PCDHA6: variants seen among roughly 807,000 people sequenced by gnomAD.
The protein encoded by PCDHA6 is protocadherin alpha 6.
In PCDHA6, 55 loss-of-function variants were observed where a neutral mutation model predicts 60.3. That is an observed-to-expected ratio of 0.91 (90% confidence interval 0.73 to 1.14). PCDHA6 has a LOEUF of 1.14. Among genes scored for constraint, PCDHA6 ranks in the 50% most tolerant of loss-of-function variants. The pLI, the probability that PCDHA6 is intolerant of heterozygous loss-of-function variation, is 0.00. For missense variants in PCDHA6, 1,327 were observed against 1,256.5 expected (o/e 1.06, Z -0.85); for synonymous variants, 652 against 557.9 (o/e 1.17, Z -2.38).
Position 140,869,569 on chromosome 5 carries a change from G to A in PCDHA6, c.2394+39084G>A, listed in dbSNP as rs200465902. ...ATCGGACTCGCGTTTTCCACTAGAG[G>A]GAGCTTCTGATGCTGACATTGAAGA... On this transcript the variant is annotated intron_variant, in intron 1 of 3. Coordinates refer to ENST00000529310, the MANE Select transcript of PCDHA6 (RefSeq NM_018909.4). 4.4e-4 allele frequency: 718 copies of A among 1,614,118 alleles called. 4 individuals carry two copies. The African/African-American group carries it at 8.4e-3, about 19-fold the overall frequency.
At chr5:140,984,942 A>C (rs1263555467) in intron 3 of PCDHA6, among the ~76,000 whole-genome samples, 1 of 151,954 alleles carries the variant, frequency 6.6e-6, no homozygotes, top group Admixed American at 6.6e-5. Context: ...ATAAATGTCT[A>C]ATCTTTTTTT....
chr5:140,828,505 A>T lies in PCDHA6; in HGVS notation c.414A>T (p.Gln138His), dbSNP rs2150156185. ...DNPPLFPVEEQRVLIYESRLP... is the reference protein window; with the variant it reads ...DNPPLFPVEEHRVLIYESRLP... ...CGCCCTTGTTCCCGGTAGAGGAACAAAGAGTGCTGATTTACGAATCTAGGC... is the reference window on the plus strand; with the variant it reads ...CGCCCTTGTTCCCGGTAGAGGAACATAGAGTGCTGATTTACGAATCTAGGC... The change falls in exon 1 of 4, where the codon CAA (glutamine) becomes CAT (histidine). Residue 138 changes from glutamine to histidine, a missense_variant. Coordinates refer to ENST00000529310, the MANE Select transcript of PCDHA6 (RefSeq NM_018909.4). 1 of 1,614,210 alleles carries T rather than the reference A, an allele frequency of 6.2e-7. No individual in the cohort carries two copies. The highest frequency in any genetic ancestry group is 1.1e-5 in the South Asian group (1 of 91,082).
intron 1 of PCDHA6, among the ~76,000 whole-genome samples, chr5:140,972,660 A>ATTT (rs11350929): frequency 1.0e-4 from 12 of 117,258 alleles, no homozygotes; most frequent in Non-Finnish European, 1.7e-4. Flanking sequence ...AAGAAACCAA[A>ATTT]TTTTTTTTTT....
chr5:140,849,354 C>T (rs2150435747), intron 1 of PCDHA6: 1 of 1,448,176 alleles, frequency 6.9e-7, no homozygotes, highest in Admixed American at 2.0e-5. Flanking sequence ...TGATGTTTCT[C>T]CAGATATAAA....
intron 1 of PCDHA6, chr5:140,929,202 G>T (rs2085922750): frequency 1.2e-6 from 2 of 1,613,984 alleles, no homozygotes; most frequent in African/African-American, 1.3e-5. Context: ...ACAGTTTGCT[G>T]TTGCGTGGGG....
intron 1 of PCDHA6, chr5:140,875,357 C>G (rs1173514822): frequency 6.9e-7 from 1 of 1,446,594 alleles, no homozygotes; most frequent in Non-Finnish European, 9.1e-7. Flanking sequence ...GACTGTGATG[C>G]TGGAAAAAAT....
At chr5:140,896,116 A>G (rs2065393833) in intron 1 of PCDHA6, among the ~76,000 whole-genome samples, 1 of 152,044 alleles carries the variant, frequency 6.6e-6, no homozygotes, top group Admixed American at 6.6e-5. Context: ...TGGCCAATGT[A>G]CTGCATTTTA....
chr5:140,904,552 T>C (rs1233525886), intron 1 of PCDHA6, among the ~76,000 whole-genome samples: 1 of 152,084 alleles, frequency 6.6e-6, no homozygotes, highest in Non-Finnish European at 1.5e-5. Flanking sequence ...TTTCATATAA[T>C]GACTTTTTTT....
At chr5:140,927,366 A>C in intron 1 of PCDHA6, 1 of 1,614,088 alleles carries the variant, frequency 6.2e-7, no homozygotes, top group Non-Finnish European at 8.5e-7. Context: ...GCAATGGGAT[A>C]CTAAGCTACA....
At chr5:140,882,511 T>C (rs782672669) in intron 1 of PCDHA6, 2 of 1,614,128 alleles carry the variant, frequency 1.2e-6, no homozygotes, top group Admixed American at 3.3e-5. Flanking sequence ...ATCTGCAGAA[T>C]GGCATTTTGT....
intron 1 of PCDHA6, chr5:140,870,062 A>G (rs1554163774): frequency 5.0e-6 from 8 of 1,613,902 alleles, no homozygotes; most frequent in South Asian, 3.3e-5. Context: ...ATTGAAGTAC[A>G]GGCTACAGAT....
intron 1 of PCDHA6, chr5:140,835,628 C>G (rs1554135129): frequency 1.2e-6 from 2 of 1,613,772 alleles, no homozygotes; most frequent in African/African-American, 1.3e-5. Context: ...CTCTGGACCG[C>G]GAGAGTGTGT....
intron 1 of PCDHA6, among the ~76,000 whole-genome samples, chr5:140,975,647 T>G (rs1563441442): frequency 6.6e-6 from 1 of 152,254 alleles, no homozygotes; most frequent in Non-Finnish European, 1.5e-5. Flanking sequence ...GCATATTATT[T>G]CATTGAGTAG....
chr5:140,913,167 T>C (rs1232000053), intron 1 of PCDHA6, among the ~76,000 whole-genome samples: 1 of 152,196 alleles, frequency 6.6e-6, no homozygotes, highest in Non-Finnish European at 1.5e-5. Flanking sequence ...TTGGTATTAG[T>C]TCTTCTTTAA....
chr5:140,934,528 G>T (rs782284913), intron 1 of PCDHA6, among the ~76,000 whole-genome samples: 26 of 152,112 alleles, frequency 1.7e-4, no homozygotes, highest in Non-Finnish European at 2.2e-4. Flanking sequence ...CACTTCGAGA[G>T]CTACCGTTCT....
chr5:140,982,300 G>A (rs2096976836), intron 2 of PCDHA6, 175 bp from the exon 3 acceptor site: 1 of 1,204,506 alleles, frequency 8.3e-7, no homozygotes, highest in South Asian at 1.7e-5. Flanking sequence ...AGTCAGCAAT[G>A]CTTCTGCAGT....
intron 1 of PCDHA6, chr5:140,875,799 C>T (rs781911910): frequency 5.6e-6 from 9 of 1,614,014 alleles, no homozygotes. Flanking sequence ...TGGAGGTGAT[C>T]GTGGACAGGC....
chr5:140,924,597 G>A lies in PCDHA6; in HGVS notation c.2395-54352G>A, dbSNP rs1278228526. ...ATGTTTTCAAATATTATAGAAATATGCAGGCTGATGCCAGGTGCGGTGGCA... is the reference window on the plus strand; with the variant it reads ...ATGTTTTCAAATATTATAGAAATATACAGGCTGATGCCAGGTGCGGTGGCA... On this transcript the variant is annotated intron_variant, in intron 1 of 3. Coordinates refer to ENST00000529310, the MANE Select transcript of PCDHA6 (RefSeq NM_018909.4). Among the ~76,000 whole-genome samples the A allele has an allele frequency of 2.6e-5, 4 of 152,078 alleles. No homozygotes were observed. The East Asian group carries it at 7.7e-4, about 29-fold the overall frequency.
intron 1 of PCDHA6, among the ~76,000 whole-genome samples, chr5:140,832,629 T>G (rs1394763115): frequency 3.9e-5 from 6 of 152,122 alleles, no homozygotes; most frequent in Non-Finnish European, 8.8e-5. Context: ...TTTTAAAAAG[T>G]TCCTAGGAGG....
Sources: allele counts gnomAD v4.1 joint callset (sites outside exome capture counted in the v4.1 genomes callset), GRCh38; gene constraint gnomAD v4.1.1; transcripts MANE v1.5; gene names NCBI Gene and HGNC (gene_info 2026-07-23, HGNC 2026-07-21).